BLMH: variants seen among roughly 807,000 people sequenced by gnomAD.
BLMH encodes bleomycin hydrolase.
BLMH carries 32 observed loss-of-function variants against 61.6 expected under a neutral mutation model. That is an observed-to-expected ratio of 0.52 (90% confidence interval 0.39 to 0.70). The LOEUF is 0.70. Among genes scored for constraint, BLMH ranks in the 30% least tolerant of loss-of-function variants. The pLI is 0.00. For missense variants in BLMH, 460 were observed against 555.5 expected, an observed-to-expected ratio of 0.83 and a Z score of 1.73; for synonymous variants, 183 against 193.8, an observed-to-expected ratio of 0.94 and a Z score of 0.46.
intron 5 of BLMH, among the ~76,000 whole-genome samples, chr17:30,286,441 C>T (rs140736733): frequency 1.4e-4 from 22 of 152,306 alleles, no homozygotes; most frequent in African/African-American, 5.3e-4. Flanking sequence ...GGGAATCTTG[C>T]GAATAGCTCT....
At chr17:30,274,970 C>A (rs1399361517) in intron 6 of BLMH, among the ~76,000 whole-genome samples, 1 of 142,594 alleles carries the variant, frequency 7.0e-6, no homozygotes, top group Non-Finnish European at 1.5e-5. Flanking sequence ...CAGAGCAAGA[C>A]CCTATCTCAA....
chr17:30,273,470 A>T, intron 7 of BLMH: 1 of 157,310 alleles, frequency 6.4e-6, no homozygotes, highest in South Asian at 2.0e-4. Context: ...CCCGGCCCTC[A>T]AAACTCATTC....
At chr17:30,281,712 G>C (rs1908598411) in intron 6 of BLMH, among the ~76,000 whole-genome samples, 1 of 152,158 alleles carries the variant, frequency 6.6e-6, no homozygotes, top group African/African-American at 2.4e-5. Flanking sequence ...TGTCACTCAA[G>C]CTGGAGTGCA....
chr17:30,278,998 A>G (rs1908503243), intron 6 of BLMH, among the ~76,000 whole-genome samples: 1 of 152,222 alleles, frequency 6.6e-6, no homozygotes, highest in Admixed American at 6.5e-5. Flanking sequence ...TGTCATTTCA[A>G]ACCAAATTTA....
chr17:30,268,796 G>A (rs1321786771), intron 10 of BLMH, among the ~76,000 whole-genome samples: 1 of 151,362 alleles, frequency 6.6e-6, no homozygotes, highest in African/African-American at 2.4e-5. Context: ...CAGCACTTTG[G>A]GAGGCCGAAG....
chr17:30,274,523 C>A (rs1215128828), intron 6 of BLMH, among the ~76,000 whole-genome samples: 1 of 152,178 alleles, frequency 6.6e-6, no homozygotes, highest in Non-Finnish European at 1.5e-5. Flanking sequence ...ATCTGAGTTG[C>A]TGCTCTGATT....
intron 10 of BLMH, among the ~76,000 whole-genome samples, chr17:30,269,798 C>T (rs1360377720): frequency 2.0e-5 from 3 of 152,202 alleles, no homozygotes; most frequent in Non-Finnish European, 4.4e-5. Context: ...GGAGTATCAG[C>T]ATTAAGACTG....
Position 30,272,873 on chromosome 17 carries a change from G to C in BLMH, c.828C>G (p.Pro276=), listed in dbSNP as rs1908313755. 1 of 1,613,800 alleles carries C rather than the reference G, an allele frequency of 6.2e-7. No individual in the cohort carries two copies. Among genetic ancestry groups the C allele is most frequent in the Non-Finnish European group, 8.5e-7 (1 of 1,180,000 alleles). ...DKICLVNDPR[P]QHKYNKLYTV... is the part of the protein sequence containing the mutation. The stretch of plus-strand genomic sequence containing the variant: ...TGTAAAGTTTGTTGTACTTGTGCTG[G>C]GGCCTAGGGTCATTCACTAAACAAA... The change falls in exon 8 of 12, where the codon CCC becomes CCG. Residue 276 remains proline, a synonymous_variant. Coordinates refer to ENST00000261714, the MANE Select transcript of BLMH (RefSeq NM_000386.4).
intron 9 of BLMH, chr17:30,271,620 C>T: frequency 2.7e-6 from 1 of 364,344 alleles, no homozygotes; most frequent in South Asian, 7.3e-5. Context: ...GATGATTAAA[C>T]ATAAATTCTC....
chr17:30,284,123 A>C (rs979173623), intron 6 of BLMH, among the ~76,000 whole-genome samples: 6 of 152,212 alleles, frequency 3.9e-5, no homozygotes, highest in Middle Eastern at 3.2e-3. Context: ...ATTTTTTCCT[A>C]CTATACTAAG....
intron 6 of BLMH, among the ~76,000 whole-genome samples, chr17:30,276,776 A>G (rs58380681): frequency 0.084 from 12,817 of 152,298 alleles, 837 homozygotes; most frequent in African/African-American, 0.17. Context: ...AAAAACATAC[A>G]TATATACCCA....
At chr17:30,282,219 GTTTTTTTTTTTT>G (rs74886535) in intron 6 of BLMH, among the ~76,000 whole-genome samples, 1 of 122,220 alleles carries the variant, frequency 8.2e-6, no homozygotes, top group Non-Finnish European at 1.7e-5. Context: ...AACAGACAAG[GTTTTTTTTTTTT>G]TTTTTTTTTT....
chr17:30,262,388 A>G (rs1276274517), intron 11 of BLMH, among the ~76,000 whole-genome samples: 1 of 152,246 alleles, frequency 6.6e-6, no homozygotes, highest in East Asian at 1.9e-4. Context: ...TATTATTTGC[A>G]TGACAGAATA....
rs1907589454 is a variant in BLMH, at chr17:30,248,637, A to C, written c.*380T>G. ...CTCCCTCCACTCTACTCTAGGAACA[A>C]GGAGCATTAGGTCTGTTTTCTCTCC... On this transcript the variant is annotated 3_prime_UTR_variant, in exon 12 of 12. Coordinates refer to ENST00000261714, the MANE Select transcript of BLMH (RefSeq NM_000386.4). 1 of 182,040 alleles carries C rather than the reference A, an allele frequency of 5.5e-6. No individual in the cohort carries two copies. Among genetic ancestry groups the C allele is most frequent in the Non-Finnish European group, 1.1e-5 (1 of 87,768 alleles). The allele number at this position is 182,040 out of a possible 1,614,324, so 11.3% of individuals were successfully genotyped here.
chr17:30,290,187 A>G (rs1294882502), intron 2 of BLMH, among the ~76,000 whole-genome samples: 6 of 152,230 alleles, frequency 3.9e-5, no homozygotes, highest in African/African-American at 1.4e-4. Flanking sequence ...TATATGCTAT[A>G]TATTTCTAGT....
chr17:30,291,013 C>G (rs1334122834), intron 2 of BLMH: 6 of 370,634 alleles, frequency 1.6e-5, no homozygotes, highest in Non-Finnish European at 3.0e-5. Context: ...GACCATACAT[C>G]TCCAAGACAC....
At chr17:30,270,395 G>C (rs774850491) in intron 10 of BLMH, among the ~76,000 whole-genome samples, 1 of 151,216 alleles carries the variant, frequency 6.6e-6, no homozygotes, top group African/African-American at 2.4e-5. Context: ...CCAGCTACTC[G>C]CAAGGCTGAG....
At chr17:30,289,927 AAGAT>A (rs1195702839) in intron 2 of BLMH, among the ~76,000 whole-genome samples, 6 of 152,182 alleles carry the variant, frequency 3.9e-5, no homozygotes, top group Non-Finnish European at 5.9e-5. Context: ...GTAAGTGAAA[AAGAT>A]AGGTAGCTTA....
At chr17:30,249,327 G>A in intron 11 of BLMH, 159 bp from the exon 12 acceptor site, 1 of 836,436 alleles carries the variant, frequency 1.2e-6, no homozygotes, top group Non-Finnish European at 1.8e-6. Context: ...TAGCAATTCT[G>A]TGAAGCAGAT....
Sources: allele counts gnomAD v4.1 joint callset (sites outside exome capture counted in the v4.1 genomes callset), GRCh38; gene constraint gnomAD v4.1.1; transcripts MANE v1.5; gene names NCBI Gene and HGNC (gene_info 2026-07-23, HGNC 2026-07-21).